Variants in FBXL7 observed in about 807,000 individuals in gnomAD.
FBXL7 encodes the protein F-box/LRR-repeat protein 7.
In FBXL7, 12 loss-of-function variants were observed where a neutral mutation model predicts 38.3. The ratio of observed to expected loss-of-function variants is 0.31; its 90% CI spans 0.20 to 0.51. The LOEUF (loss-of-function observed/expected upper bound fraction) is 0.51, where lower values mean the gene tolerates loss of function less well. FBXL7 is among the 20% of genes least tolerant of loss of function. FBXL7 has a pLI of 0.98. For synonymous variants in FBXL7, 297 were observed against 300.9 expected (o/e 0.99, Z 0.13); for missense variants, 567 against 676.4 (o/e 0.84, Z 1.79).
chr5:15,749,563 C>A (rs1435988745), intron 2 of FBXL7, among the ~76,000 whole-genome samples: 1 of 150,800 alleles, frequency 6.6e-6, no homozygotes, highest in African/African-American at 2.4e-5. Context: ...GGAGGCGGAG[C>A]TTGCAGTGAG....
intron 2 of FBXL7, among the ~76,000 whole-genome samples, chr5:15,630,117 T>C (rs1740950412): frequency 1.3e-5 from 2 of 152,286 alleles, no homozygotes; most frequent in Admixed American, 6.5e-5. Flanking sequence ...AGACAGTTTA[T>C]TGTCTATGAA....
rs201103803 is a variant in FBXL7, at chr5:15,603,212, G to GT, written c.38-12763dup. Among the ~76,000 whole-genome samples, 56 of 151,750 alleles carry GT rather than the reference G, an allele frequency of 3.7e-4. 1 individual carries two copies. The East Asian group carries it at 8.7e-3, about 24-fold the overall frequency. ...CCTAGCCTAATATGAACTGTGTCTTGTTTTTTTTAGTGCTAACCGTAATCC... is the reference window on the plus strand; with the variant it reads ...CCTAGCCTAATATGAACTGTGTCTTGTTTTTTTTTAGTGCTAACCGTAATCC... On this transcript the variant is annotated intron_variant, in intron 1 of 3. Transcript: ENST00000504595.
At chr5:15,632,642 G>T (rs534623658) in intron 2 of FBXL7, among the ~76,000 whole-genome samples, 4 of 152,232 alleles carry the variant, frequency 2.6e-5, no homozygotes, top group African/African-American at 9.6e-5. Flanking sequence ...TGGTGGAGTG[G>T]ATAAAGAAAA....
intron 2 of FBXL7, among the ~76,000 whole-genome samples, chr5:15,640,270 C>T (rs572059585): frequency 6.6e-6 from 1 of 152,102 alleles, no homozygotes; most frequent in South Asian, 2.1e-4. Flanking sequence ...CGTTTCTCAG[C>T]CTCTTTTGGT....
chr5:15,669,011 C>A (rs1169512348), intron 2 of FBXL7, among the ~76,000 whole-genome samples: 1 of 152,006 alleles, frequency 6.6e-6, no homozygotes, highest in African/African-American at 2.4e-5. Flanking sequence ...AAATATATGG[C>A]CTTATTGTTT....
chr5:15,765,634 C>T (rs984008421), intron 2 of FBXL7, among the ~76,000 whole-genome samples: 6 of 152,070 alleles, frequency 3.9e-5, no homozygotes, highest in African/African-American at 1.2e-4. Context: ...CTTTCATGTG[C>T]GGGGAATGAT....
intron 2 of FBXL7, among the ~76,000 whole-genome samples, chr5:15,819,529 A>C (rs1004104036): frequency 6.6e-6 from 1 of 152,242 alleles, no homozygotes; most frequent in African/African-American, 2.4e-5. Flanking sequence ...AACTGGAGAC[A>C]AAATGAAAGA....
In FBXL7 at chr5:15,885,873, A is replaced by G. The variant is rs149490450; in HGVS notation, c.128-42017A>G. 3.5e-3 allele frequency among the ~76,000 whole-genome samples: 538 copies of G among 151,722 alleles called. 4 individuals carry two copies. The highest frequency in any genetic ancestry group is 0.013 in the African/African-American group (519 of 41,304). ...ACAGGTGTGTACCACCTAACCAGGG[A>G]TTTTTTAATTTATTTTATTTTTTTT... On this transcript the variant is annotated intron_variant, in intron 2 of 3. Coordinates refer to ENST00000504595, the MANE Select transcript of FBXL7 (RefSeq NM_012304.5).
chr5:15,558,212 GGAATATTTT>G (rs1206304445), intron 1 of FBXL7, among the ~76,000 whole-genome samples: 1 of 152,140 alleles, frequency 6.6e-6, no homozygotes, highest in Non-Finnish European at 1.5e-5. Context: ...AAATCACAGT[GGAATATTTT>G]ACTCAGTGAT....
In FBXL7 at chr5:15,629,097, G is replaced by A. The variant is rs115716428; in HGVS notation, c.127+13025G>A. Reference sequence around the variant, plus strand: ...GTTCAAGACCAGCCTGGGCAACAGGGTGAGACCTCGTTTCTACAAAAAAAA... The same window carrying A: ...GTTCAAGACCAGCCTGGGCAACAGGATGAGACCTCGTTTCTACAAAAAAAA... On this transcript the variant is annotated intron_variant, in intron 2 of 3. Transcript: ENST00000504595. 4.8e-3 allele frequency among the ~76,000 whole-genome samples: 724 copies of A among 151,430 alleles called. 3 individuals carry two copies. Among genetic ancestry groups the A allele is most frequent in the African/African-American group, 0.017 (683 of 41,234 alleles).
chr5:15,523,517 C>A (rs967565241), intron 1 of FBXL7, among the ~76,000 whole-genome samples: 2 of 151,898 alleles, frequency 1.3e-5, no homozygotes, highest in Non-Finnish European at 2.9e-5. Context: ...TGTGATTGCA[C>A]CACTGCGCTC....
intron 1 of FBXL7, among the ~76,000 whole-genome samples, chr5:15,558,634 T>C (rs1463724346): frequency 2.0e-5 from 3 of 152,238 alleles, no homozygotes; most frequent in African/African-American, 4.8e-5. Flanking sequence ...GAGCTGCGCT[T>C]CAAAATCCAA....
At chr5:15,931,104 T>C (rs1207590696) in intron 3 of FBXL7, among the ~76,000 whole-genome samples, 1 of 152,248 alleles carries the variant, frequency 6.6e-6, no homozygotes, top group Non-Finnish European at 1.5e-5. Context: ...AAGCTATCTT[T>C]AAAGTCACTG....
At chr5:15,553,481 A>G (rs1308235240) in intron 1 of FBXL7, among the ~76,000 whole-genome samples, 1 of 152,220 alleles carries the variant, frequency 6.6e-6, no homozygotes, top group Non-Finnish European at 1.5e-5. Context: ...TAAGGCTTAT[A>G]TCTTCTACTC....
intron 2 of FBXL7, among the ~76,000 whole-genome samples, chr5:15,690,396 T>TA (rs965652121): frequency 5.3e-5 from 8 of 152,118 alleles, no homozygotes; most frequent in African/African-American, 1.7e-4. Context: ...ATATTTTTTT[T>TA]AATTTTATTT....
At chr5:15,794,116 A>G (rs1235928409) in intron 2 of FBXL7, among the ~76,000 whole-genome samples, 1 of 152,240 alleles carries the variant, frequency 6.6e-6, no homozygotes, top group East Asian at 1.9e-4. Flanking sequence ...GCAAGGAGCC[A>G]CAGCAAGGGG....
At chr5:15,620,335 C>A (rs1224483064) in intron 2 of FBXL7, among the ~76,000 whole-genome samples, 1 of 149,688 alleles carries the variant, frequency 6.7e-6, no homozygotes, top group Admixed American at 6.7e-5. Flanking sequence ...CAGGTTCAAG[C>A]GATTCTCCTG....
intron 1 of FBXL7, among the ~76,000 whole-genome samples, chr5:15,573,678 T>A (rs529134625): frequency 5.2e-4 from 79 of 152,322 alleles, no homozygotes; most frequent in African/African-American, 1.9e-3. Context: ...AGATAGTTTC[T>A]GTTGTTAGGG....
chr5:15,580,543 G>A (rs1739105260), intron 1 of FBXL7: 1 of 833,356 alleles, frequency 1.2e-6, no homozygotes, highest in Non-Finnish European at 1.4e-6. Context: ...TCCTGGATAA[G>A]CAAACCAAGA....
Sources: gnomAD v4.1 joint callset for allele counts (sites outside exome capture counted in the v4.1 genomes callset) on GRCh38, gnomAD v4.1.1 for gene constraint, MANE v1.5 for transcripts, NCBI Gene and HGNC (gene_info 2026-07-23, HGNC 2026-07-21) for gene names.